Variants in CFLAR observed in about 807,000 individuals in gnomAD.
The protein encoded by CFLAR is CASP8 and FADD like apoptosis regulator.
CFLAR carries 14 observed loss-of-function variants against 51.1 expected under a neutral mutation model. The ratio of observed to expected loss-of-function variants is 0.27; its 90% CI spans 0.18 to 0.43. CFLAR has a LOEUF of 0.43. CFLAR is among the 20% of genes least tolerant of loss of function. The pLI, the probability that CFLAR is intolerant of heterozygous loss-of-function variation, is 1.00. For missense variants in CFLAR, 390 were observed against 566.5 expected (o/e 0.69, Z 3.16); for synonymous variants, 210 against 211.6 (o/e 0.99, Z 0.06).
At chr2:201,143,259 A>T (rs112942942) in intron 5 of CFLAR, 1 of 152,076 alleles carries the variant, frequency 6.6e-6, no homozygotes, top group African/African-American at 2.4e-5. Context: ...AGGCAGGTGG[A>T]TCACCTGAGG....
At chr2:201,143,051 A>G (rs1004390230) in intron 5 of CFLAR, among the ~76,000 whole-genome samples, 1 of 152,150 alleles carries the variant, frequency 6.6e-6, no homozygotes, top group African/African-American at 2.4e-5. Context: ...TTATATTGTC[A>G]TTCTTAGTTA....
intron 8 of CFLAR, chr2:201,151,381 T>C (rs1941256596): frequency 6.6e-6 from 1 of 152,204 alleles, no homozygotes; most frequent in African/African-American, 2.4e-5. Context: ...CAACATTCTC[T>C]TAAAATGAGT....
intron 8 of CFLAR, among the ~76,000 whole-genome samples, chr2:201,150,647 A>G (rs1343752906): frequency 6.6e-6 from 1 of 152,180 alleles, no homozygotes; most frequent in Non-Finnish European, 1.5e-5. Context: ...GGAGTTTTCT[A>G]CAGAGTCCCT....
intron 8 of CFLAR, among the ~76,000 whole-genome samples, chr2:201,158,910 C>T (rs1218667816): frequency 6.7e-6 from 1 of 150,150 alleles, no homozygotes; most frequent in Non-Finnish European, 1.5e-5. Context: ...CGGAGTTCTG[C>T]TCTGTTGCCC....
rs140532906 is a variant in CFLAR, at chr2:201,160,492, G to C, written c.854G>C (p.Ser285Thr). The C allele has an allele frequency of 1.2e-6, 2 of 1,613,890 alleles. No homozygotes were observed. Among genetic ancestry groups the C allele is most frequent in the Non-Finnish European group, 1.7e-6 (2 of 1,179,986 alleles). Residue 285 changes from serine to threonine, a missense_variant, in exon 9 of 10, where the codon AGT (serine) becomes ACT (threonine). Physicochemically the swap from Ser to Thr is moderately conservative, Grantham distance 58 (BLOSUM62 1). Transcript: ENST00000309955. ...GYEVQKFLHLSMHGISQILGQ... is the reference protein window; with the variant it reads ...GYEVQKFLHLTMHGISQILGQ... ...GAAGTCCAGAAATTCTTGCATCTCA[G>C]TATGCATGGTATATCCCAGATTCTT...
intron 8 of CFLAR, chr2:201,150,974 G>A (rs1289603980): frequency 1.3e-5 from 2 of 152,136 alleles, no homozygotes; most frequent in Non-Finnish European, 2.9e-5. Context: ...ACCCAGAGGG[G>A]CATTAATATT....
chr2:201,136,167 C>G, intron 4 of CFLAR, 60 bp downstream of exon 4: 1 of 1,612,524 alleles, frequency 6.2e-7, no homozygotes, highest in African/African-American at 1.3e-5. Context: ...GGGTGGGCAT[C>G]ATGACTGATA....
rs1006922356 is a variant in CFLAR at position 201,124,064 on chromosome 2, C to T, written c.-137-5665C>T. 3.3e-5 allele frequency among the ~76,000 whole-genome samples: 5 copies of T among 152,202 alleles called. No homozygotes were observed. Among genetic ancestry groups the T allele is most frequent in the African/African-American group, 7.2e-5 (3 of 41,438 alleles). On this transcript the variant is annotated intron_variant, in intron 1 of 9. Transcript: ENST00000309955. This position sits in a 1 kb window ranked among gnomAD's most constrained non-coding sequence, Gnocchi z 4.7. The stretch of plus-strand genomic sequence containing the variant: ...GACATGACATTGCTTTCATGCCATA[C>T]GATGACCTTGCTTCACTAGAGAAGC...
intron 3 of CFLAR, among the ~76,000 whole-genome samples, chr2:201,134,405 C>T (rs958240872): frequency 6.6e-6 from 1 of 151,754 alleles, no homozygotes; most frequent in Admixed American, 6.6e-5. Flanking sequence ...GAGGCTGAGC[C>T]GGGCAGATCA....
rs1161406198 is a variant in CFLAR at position 201,166,627 on chromosome 2, G to A, written c.*2654G>A. ...GGGCCAAGGCAGGCGGCTGGGAGGCGGAGGCCGTAGCCAGCTGAGATCACA... is the reference window on the plus strand; with the variant it reads ...GGGCCAAGGCAGGCGGCTGGGAGGCAGAGGCCGTAGCCAGCTGAGATCACA... On this transcript the variant is annotated 3_prime_UTR_variant, in exon 10 of 10. Coordinates refer to ENST00000309955, the MANE Select transcript of CFLAR (RefSeq NM_003879.7). 2.2e-5 allele frequency: 4 copies of A among 179,794 alleles called. No homozygotes were observed. The highest frequency in any genetic ancestry group is 4.6e-5 in the Non-Finnish European group (4 of 86,482). 11.1% of individuals were successfully genotyped at this position (179,794 alleles called of 1,614,324 possible). A position where few individuals can be genotyped will look rare whatever the true frequency, so the allele number is the denominator to read the frequency against.
chr2:201,160,658 C>T lies in CFLAR; in HGVS notation c.1020C>T (p.Phe340=). 2 of 1,614,118 alleles carry T rather than the reference C, an allele frequency of 1.2e-6. No individual in the cohort carries two copies. Among genetic ancestry groups the T allele is most frequent in the Non-Finnish European group, 1.7e-6 (2 of 1,180,032 alleles). The change falls in exon 9 of 10, where the codon TTC becomes TTT. Residue 340 remains phenylalanine, a synonymous_variant. Coordinates refer to ENST00000309955, the MANE Select transcript of CFLAR (RefSeq NM_003879.7). ...CCCTGCATCACATCAGGAGGATGTT[C>T]ATGGGAGATTCATGCCCTTATCTAG... ...GLPLHHIRRM[F]MGDSCPYLAG... is the part of the protein sequence containing the mutation.
intron 1 of CFLAR, among the ~76,000 whole-genome samples, chr2:201,127,860 T>G (rs999305281): frequency 3.9e-5 from 6 of 152,190 alleles, no homozygotes; most frequent in Non-Finnish European, 5.9e-5. Flanking sequence ...TGTGCGTGAC[T>G]GGCAGAAAGC....
chr2:201,130,832 A>G (rs567391914), intron 2 of CFLAR, among the ~76,000 whole-genome samples: 81 of 152,290 alleles, frequency 5.3e-4, no homozygotes, highest in African/African-American at 1.9e-3. Flanking sequence ...AGTGTTTACT[A>G]GTTCATTTTC....
At chr2:201,128,868 A>G (rs904859274) in intron 1 of CFLAR, among the ~76,000 whole-genome samples, 1 of 152,212 alleles carries the variant, frequency 6.6e-6, no homozygotes, top group African/African-American at 2.4e-5. Flanking sequence ...GTTTCAATGG[A>G]AGAAATTAAG....
chr2:201,144,611 G>A (rs1359454516), intron 5 of CFLAR, among the ~76,000 whole-genome samples: 2 of 152,150 alleles, frequency 1.3e-5, no homozygotes, highest in Non-Finnish European at 2.9e-5. Flanking sequence ...AGGTTACATA[G>A]CTAATAAGTG....
chr2:201,167,003 A>G lies in CFLAR; in HGVS notation c.*3030A>G, dbSNP rs1001113135. On this transcript the variant is annotated 3_prime_UTR_variant, in exon 10 of 10. Transcript: ENST00000309955. ...GAGAGGGCTATTTTTAAAATTTTTT[A>G]AAATTGCTGAACAGGGGTACCTCTG... 2 of 152,002 alleles carry G rather than the reference A, an allele frequency of 1.3e-5. No homozygotes were observed. The highest frequency in any genetic ancestry group is 3.9e-4 in the East Asian group (2 of 5,186). The allele number at this position is 152,002 out of a possible 1,614,324, so 9.4% of individuals were successfully genotyped here.
rs996681514 is a variant in CFLAR at position 201,133,872 on chromosome 2, G to A, written c.387+738G>A. The stretch of plus-strand genomic sequence containing the variant: ...TGTGAAGCTGGGAGGCAGAGCTTGC[G>A]GTGAGCTGAGATGGCGCCACTGCAC... On this transcript the variant is annotated intron_variant, in intron 3 of 9. Transcript: ENST00000309955. 6.1e-5 allele frequency among the ~76,000 whole-genome samples: 9 copies of A among 148,310 alleles called. No individual in the cohort carries two copies. In the East Asian group the frequency reaches 1.2e-3, roughly 19 times the overall value.
In CFLAR at chr2:201,170,340, C is replaced by T. The variant is rs898570215; in HGVS notation, c.*6367C>T. On this transcript the variant is annotated 3_prime_UTR_variant, in exon 10 of 10. Transcript: ENST00000309955. ...ATTCTTTTAATTGGTTATTACTGAA[C>T]GTGAAAAAGTAATGTTTGTATTGAA... 6.6e-6 allele frequency: 1 copy of T among 152,080 alleles called. No homozygotes were observed. The highest frequency in any genetic ancestry group is 1.5e-5 in the Non-Finnish European group (1 of 68,012). The allele number at this position is 152,080 out of a possible 1,614,324, so 9.4% of individuals were successfully genotyped here. A position where few individuals can be genotyped will look rare whatever the true frequency, so the allele number is the denominator to read the frequency against.
At chr2:201,134,318 A>T (rs112710729) in intron 3 of CFLAR, among the ~76,000 whole-genome samples, 2,512 of 150,266 alleles carry the variant, frequency 0.017, 69 homozygotes, top group African/African-American at 0.057. Flanking sequence ...AAAAAAAAAA[A>T]TTTTTTTTAA....
Sources: gnomAD v4.1 joint callset for allele counts (sites outside exome capture counted in the v4.1 genomes callset) on GRCh38, gnomAD v4.1.1 for gene constraint, Gnocchi (gnomAD v3.1) non-coding constraint, MANE v1.5 for transcripts, NCBI Gene and HGNC (gene_info 2026-07-23, HGNC 2026-07-21) for gene names.